Variants in SPEN observed in about 807,000 individuals in gnomAD.
SPEN encodes msx2-interacting protein.
SPEN carries 18 observed loss-of-function variants against 269.9 expected under a neutral mutation model. That is an observed-to-expected ratio of 0.07 (90% confidence interval 0.05 to 0.10). The LOEUF is 0.10. Among genes scored for constraint, SPEN ranks in the 10% least tolerant of loss-of-function variants. The pLI, the probability that SPEN is intolerant of heterozygous loss-of-function variation, is 1.00. For synonymous variants in SPEN, 1,726 were observed against 1,765.7 expected (o/e 0.98, Z 0.56); for missense variants, 3,822 against 4,631.2 (o/e 0.83, Z 5.07).
intron 1 of SPEN, among the ~76,000 whole-genome samples, chr1:15,851,260 A>G (rs2070332489): frequency 6.6e-6 from 1 of 152,212 alleles, no homozygotes; most frequent in Non-Finnish European, 1.5e-5. Context: ...CATAATCAGA[A>G]CATTTACAAA....
Position 15,936,642 on chromosome 1 carries a change from C to CA in SPEN, c.10026+389dup, listed in dbSNP as rs60059470. Reference sequence around the variant, plus strand: ...CCAGTGACAGAGCGAGACCCAGTCTCAAAAAAAAAAAAAGCCGGGCATAGT... The same window carrying CA: ...CCAGTGACAGAGCGAGACCCAGTCTCAAAAAAAAAAAAAAGCCGGGCATAGT... On this transcript the variant is annotated intron_variant, in intron 11 of 14. Transcript: ENST00000375759. Among the ~76,000 whole-genome samples, 493 of 123,716 alleles carry CA rather than the reference C, an allele frequency of 4.0e-3. 7 individuals carry two copies. The highest frequency in any genetic ancestry group is 8.5e-3 in the African/African-American group (280 of 32,948). 81.2% of individuals were successfully genotyped at this position (123,716 alleles called of 152,430 possible). A position where few individuals can be genotyped will look rare whatever the true frequency, so the allele number is the denominator to read the frequency against.
intron 3 of SPEN, among the ~76,000 whole-genome samples, chr1:15,896,023 A>T (rs1053992717): frequency 3.3e-5 from 5 of 151,776 alleles, no homozygotes; most frequent in African/African-American, 7.3e-5. Context: ...CACATAAAGC[A>T]TATTTAAACA....
At chr1:15,870,341 G>T (rs1158856661) in intron 1 of SPEN, among the ~76,000 whole-genome samples, 1 of 152,154 alleles carries the variant, frequency 6.6e-6, no homozygotes, top group Non-Finnish European at 1.5e-5. Flanking sequence ...TCTTCAAAAG[G>T]CTTGACACTC....
At chr1:15,863,528 A>G (rs1459291031) in intron 1 of SPEN, among the ~76,000 whole-genome samples, 1 of 152,156 alleles carries the variant, frequency 6.6e-6, no homozygotes, top group Non-Finnish European at 1.5e-5. Flanking sequence ...CTTAGAACCA[A>G]TAAATAGTTT....
chr1:15,935,973 C>T lies in SPEN; in HGVS notation c.9733C>T (p.Pro3245Ser), dbSNP rs2071270758. The part of the protein sequence containing the change: ...KTPDAKAAPT[P>S]TPAPVPVPVP... ...ACCAGATGCCAAAGCTGCCCCCACC[C>T]CCACCCCTGCCCCCGTCCCTGTCCC... Residue 3245 changes from proline to serine, a missense_variant, in exon 11 of 15, where the codon CCC (proline) becomes TCC (serine). Physicochemically the swap from Pro to Ser is moderately conservative, Grantham distance 74. Around this residue, in one of 16 missense-constraint regions of SPEN, gnomAD observed 359 missense variants for 377.3 expected, o/e 0.95. Coordinates refer to ENST00000375759, the MANE Select transcript of SPEN (RefSeq NM_015001.3). The surrounding 1 kb of genome is among the most constrained non-coding windows in gnomAD (Gnocchi z 7.7). The T allele has an allele frequency of 6.5e-7, 1 of 1,547,980 alleles. No homozygotes were observed. Among genetic ancestry groups the T allele is most frequent in the South Asian group, 1.2e-5 (1 of 83,658 alleles).
At position 15,919,452 on chromosome 1, in the gene SPEN, C is replaced by G; in HGVS notation, c.1570C>G (p.Leu524Val). ...MPTNCVWLDG[L>V]SSNVSDQYLT... ...TACAAACTGCGTGTGGCTAGATGGG[C>G]TTTCTTCGAATGTGTCAGATCAGTA... Residue 524 changes from leucine to valine, a missense_variant, in exon 8 of 15, where the codon CTT becomes GTT. Physicochemically the swap from Leu to Val is conservative, Grantham distance 32 (BLOSUM62 1). Transcript: ENST00000375759. 1.2e-6 allele frequency: 2 copies of G among 1,608,510 alleles called. No individual in the cohort carries two copies. Among genetic ancestry groups the G allele is most frequent in the East Asian group, 4.5e-5 (2 of 44,510 alleles).
chr1:15,887,025 C>T (rs144290112), intron 3 of SPEN, among the ~76,000 whole-genome samples: 154 of 152,264 alleles, frequency 1.0e-3, no homozygotes, highest in African/African-American at 3.5e-3. Flanking sequence ...GTCGCCCAGG[C>T]TGGAGTGCAG....
At chr1:15,869,892 A>G (rs2070555681) in intron 1 of SPEN, among the ~76,000 whole-genome samples, 1 of 147,220 alleles carries the variant, frequency 6.8e-6, no homozygotes, top group African/African-American at 2.5e-5. Context: ...TTTGGGACAG[A>G]GTCTCACTCT....
intron 1 of SPEN, among the ~76,000 whole-genome samples, chr1:15,849,741 C>T (rs747508118): frequency 1.3e-5 from 2 of 152,092 alleles, no homozygotes; most frequent in Non-Finnish European, 2.9e-5. Flanking sequence ...CCTTACCCGC[C>T]CCCCACCTCC....
chr1:15,921,334 AAAAAG>A (rs1270924574), intron 9 of SPEN, among the ~76,000 whole-genome samples: 1 of 152,238 alleles, frequency 6.6e-6, no homozygotes, highest in African/African-American at 2.4e-5. Context: ...CATCTCCAAA[AAAAAG>A]AAATCACCCC....
intron 1 of SPEN, among the ~76,000 whole-genome samples, chr1:15,860,049 T>C (rs61782223): frequency 1.3e-5 from 2 of 150,702 alleles, no homozygotes; most frequent in African/African-American, 4.9e-5. Flanking sequence ...GTAGCTGGGA[T>C]TACAGGCGCC....
Position 15,935,949 on chromosome 1 carries a change from C to G in SPEN, c.9709C>G (p.Pro3237Ala), listed in dbSNP as rs1434770944. 1.9e-6 allele frequency: 3 copies of G among 1,607,908 alleles called. No homozygotes were observed. The highest frequency in any genetic ancestry group is 2.5e-6 in the Non-Finnish European group (3 of 1,178,520). Residue 3237 changes from proline to alanine, a missense_variant, in exon 11 of 15, where the codon CCA becomes GCA. Transcript: ENST00000375759. The surrounding 1 kb of genome is among the most constrained non-coding windows in gnomAD (Gnocchi z 7.7). ...QQPGKEAAKT[P>A]DAKAAPTPTP... ...GCCAGGGAAGGAAGCTGCCAAGACA[C>G]CAGATGCCAAAGCTGCCCCCACCCC... is the stretch of plus-strand genomic sequence containing the variant.
intron 1 of SPEN, among the ~76,000 whole-genome samples, chr1:15,855,970 G>C (rs532511613): frequency 1.4e-5 from 2 of 147,342 alleles, no homozygotes; most frequent in Admixed American, 1.4e-4. Flanking sequence ...TTACTTTATT[G>C]TGTGAAAAGG....
chr1:15,894,533 G>GTTTTTTTTTT lies in SPEN; in HGVS notation c.882-14786_882-14785insTTTTTTTTTT, dbSNP rs35841965. 2.4e-3 allele frequency among the ~76,000 whole-genome samples: 322 copies of GTTTTTTTTTT among 135,956 alleles called. 27 individuals carry two copies. Among genetic ancestry groups the GTTTTTTTTTT allele is most frequent in the African/African-American group, 9.2e-3 (310 of 33,638 alleles). The allele number at this position is 135,956 out of a possible 152,430, so 89.2% of individuals were successfully genotyped here. ...TAGATCCTAAAACTACCATATTATG[G>GTTTTTTTTTT]TTGTTTTTTTTTTTTTTTTTTTTTT... On this transcript the variant is annotated intron_variant, in intron 3 of 14. Transcript: ENST00000375759.
At chr1:15,899,767 T>C (rs1434691755) in intron 3 of SPEN, among the ~76,000 whole-genome samples, 1 of 152,030 alleles carries the variant, frequency 6.6e-6, no homozygotes, top group East Asian at 1.9e-4. Context: ...TTTGAAGTCT[T>C]TGACCAGTTT....
At chr1:15,891,409 T>C (rs915287943) in intron 3 of SPEN, among the ~76,000 whole-genome samples, 5 of 151,062 alleles carry the variant, frequency 3.3e-5, no homozygotes, top group Admixed American at 6.6e-5. Context: ...TGGAGTGTAA[T>C]GGCACCATCT....
chr1:15,906,505 C>T (rs2070957910), intron 3 of SPEN, among the ~76,000 whole-genome samples: 1 of 121,896 alleles, frequency 8.2e-6, no homozygotes, highest in Admixed American at 1.0e-4. Flanking sequence ...GTTGTCCAGG[C>T]TGGAGTGCAG....
At position 15,931,128 on chromosome 1, in the gene SPEN, G is replaced by A. The variant is rs372616191; in HGVS notation, c.4888G>A (p.Glu1630Lys). 2.5e-6 allele frequency: 4 copies of A among 1,614,198 alleles called. No individual in the cohort carries two copies. Among genetic ancestry groups the A allele is most frequent in the South Asian group, 1.1e-5 (1 of 91,078 alleles). ...ATCTGCTCCTGAGAATAAAGATTCA[G>A]AACTGAAAACTCCACCTTCCGTTGG... ...PESAPENKDS[E>K]LKTPPSVGPP... Residue 1630 changes from glutamate to lysine, a missense_variant, in exon 11 of 15, where the codon GAA becomes AAA. Glu to Lys is a moderately conservative substitution (Grantham distance 56, BLOSUM62 1). Around this residue, in one of 16 missense-constraint regions of SPEN, gnomAD observed 533 missense variants for 618.8 expected, o/e 0.86. Coordinates refer to ENST00000375759, the MANE Select transcript of SPEN (RefSeq NM_015001.3). This position sits in a 1 kb window ranked among gnomAD's most constrained non-coding sequence, Gnocchi z 4.8.
In SPEN at chr1:15,932,044, A is replaced by C; in HGVS notation, c.5804A>C (p.Glu1935Ala). The change falls in exon 11 of 15, where the codon GAG (glutamate) becomes GCG (alanine). Residue 1935 changes from glutamate (E) to alanine (A), a missense_variant. By Grantham distance (107) the Glu-to-Ala change is moderately radical (BLOSUM62 -1). Coordinates refer to ENST00000375759, the MANE Select transcript of SPEN (RefSeq NM_015001.3). This position sits in a 1 kb window ranked among gnomAD's most constrained non-coding sequence, Gnocchi z 4.2. ...CCAAGAGTGACCAGAAAGAGATTGG[A>C]GCGAGAGCTTCAGGAGGCTGCAGCG... ...EQPRVTRKRL[E>A]RELQEAAAVP... The C allele has an allele frequency of 6.2e-7, 1 of 1,614,228 alleles. No individual in the cohort carries two copies. The highest frequency in any genetic ancestry group is 8.5e-7 in the Non-Finnish European group (1 of 1,180,048).
Sources: gnomAD v4.1 joint callset for allele counts (sites outside exome capture counted in the v4.1 genomes callset) on GRCh38, gnomAD v4.1.1 for gene constraint, gnomAD v4.1.1 regional missense constraint, Gnocchi (gnomAD v3.1) non-coding constraint, MANE v1.5 for transcripts, NCBI Gene and HGNC (gene_info 2026-07-23, HGNC 2026-07-21) for gene names.